FAM193A: variants seen among roughly 807,000 people sequenced by gnomAD.
FAM193A encodes the protein family with sequence similarity 193 member A, also known as protein FAM193A.
Under a neutral mutation model 126.5 loss-of-function variants are expected in FAM193A, and 22 were observed. The observed-to-expected ratio is 0.17, with a 90% CI of 0.12 to 0.25. FAM193A has a LOEUF of 0.25. Ranked by LOEUF, FAM193A falls within the 10% of genes least tolerant of loss-of-function variation. The pLI, the probability that FAM193A is intolerant of heterozygous loss-of-function variation, is 1.00. For missense variants in FAM193A, 1,675 were observed against 1,672.8 expected, an observed-to-expected ratio of 1.00 and a Z score of -0.02; for synonymous variants, 761 against 646.8, an observed-to-expected ratio of 1.18 and a Z score of -2.68.
chr4:2,602,285 C>T (rs541200791), intron 2 of FAM193A, among the ~76,000 whole-genome samples: 20 of 149,906 alleles, frequency 1.3e-4, no homozygotes, highest in South Asian at 4.2e-4. Context: ...CTCTCTTTAT[C>T]CTCTTTGCCT....
chr4:2,658,051 C>T (rs977381140), intron 8 of FAM193A, among the ~76,000 whole-genome samples, 171 bp downstream of exon 8: 1 of 152,192 alleles, frequency 6.6e-6, no homozygotes, highest in Admixed American at 6.5e-5. Flanking sequence ...TCAAGATAAA[C>T]TAATTTTCAC....
At chr4:2,580,848 A>G (rs960886349) in intron 1 of FAM193A, among the ~76,000 whole-genome samples, 3 of 152,204 alleles carry the variant, frequency 2.0e-5, no homozygotes, top group Non-Finnish European at 4.4e-5. Flanking sequence ...TTTAAAACCC[A>G]CTGATTTGGC....
intron 7 of FAM193A, among the ~76,000 whole-genome samples, chr4:2,652,945 C>G (rs1378182204): frequency 6.6e-6 from 1 of 152,214 alleles, no homozygotes. Context: ...CCTGGTGTTA[C>G]CACATCTGCA....
rs556259974 is a variant in FAM193A, at chr4:2,546,453, A to G, written c.255+9283A>G. Among the ~76,000 whole-genome samples, 3 of 152,224 alleles carry G rather than the reference A, an allele frequency of 2.0e-5. No homozygotes were observed. In the South Asian group the frequency reaches 6.2e-4, roughly 32 times the overall value. ...AACTCCTAAAGTCTTGGCAGCCATT[A>G]CTGTGTTGCTTGGTATGATTTTATC... On this transcript the variant is annotated intron_variant, in intron 1 of 20. Transcript: ENST00000637812.
chr4:2,549,979 G>A (rs1737809504), intron 1 of FAM193A, among the ~76,000 whole-genome samples: 1 of 142,892 alleles, frequency 7.0e-6, no homozygotes, highest in African/African-American at 2.6e-5. Flanking sequence ...TGCCCTCCTT[G>A]GCTTCCCAAA....
chr4:2,586,261 A>G (rs1740233782), intron 1 of FAM193A, among the ~76,000 whole-genome samples: 1 of 151,772 alleles, frequency 6.6e-6, no homozygotes, highest in Admixed American at 6.6e-5. Flanking sequence ...AAAAATATAT[A>G]TATATATAGT....
chr4:2,561,498 T>TTC (rs1347195497), intron 1 of FAM193A, among the ~76,000 whole-genome samples: 5 of 63,664 alleles, frequency 7.9e-5, no homozygotes, highest in Non-Finnish European at 7.0e-5. Context: ...TAGAGATTTC[T>TTC]TTTTTTTTTT....
At chr4:2,646,382 T>C (rs113890641) in intron 6 of FAM193A, among the ~76,000 whole-genome samples, 7,699 of 151,798 alleles carry the variant, frequency 0.051, 613 homozygotes, top group African/African-American at 0.16. Flanking sequence ...ATATTGGTCA[T>C]GCTGGTCTCG....
intron 5 of FAM193A, among the ~76,000 whole-genome samples, chr4:2,632,701 A>AG (rs780393280): frequency 1.9e-4 from 24 of 126,382 alleles, no homozygotes; most frequent in Admixed American, 9.0e-4. Flanking sequence ...GGGGTGGGGC[A>AG]GGGGGGCAGT....
chr4:2,640,649 C>T (rs1052582803), intron 6 of FAM193A, among the ~76,000 whole-genome samples: 20 of 152,182 alleles, frequency 1.3e-4, no homozygotes, highest in African/African-American at 4.6e-4. Flanking sequence ...ATCGTGACAG[C>T]AGCCATCTAC....
chr4:2,691,674 G>A (rs1716395391), intron 15 of FAM193A, among the ~76,000 whole-genome samples: 1 of 151,764 alleles, frequency 6.6e-6, no homozygotes, highest in African/African-American at 2.4e-5. Flanking sequence ...TGAGGAGGCT[G>A]AGTGTGGTAG....
rs536678727 is a variant in FAM193A at position 2,548,717 on chromosome 4, A to C, written c.255+11547A>C. Among the ~76,000 whole-genome samples, 80 of 151,852 alleles carry C rather than the reference A, an allele frequency of 5.3e-4. 1 individual carries two copies. Among genetic ancestry groups the C allele is most frequent in the African/African-American group, 1.9e-3 (80 of 41,474 alleles). Reference sequence around the variant, plus strand: ...AGTGATCTACCGGCCTCAGCCTCCCAAAGTGCTGGGATTATAGGTGTGAGC... The same window carrying C: ...AGTGATCTACCGGCCTCAGCCTCCCCAAGTGCTGGGATTATAGGTGTGAGC... On this transcript the variant is annotated intron_variant, in intron 1 of 20. Transcript: ENST00000637812.
chr4:2,587,106 C>T (rs1422403547), intron 1 of FAM193A, among the ~76,000 whole-genome samples: 2 of 152,136 alleles, frequency 1.3e-5, no homozygotes, highest in Non-Finnish European at 2.9e-5. Flanking sequence ...ATACCTGAGG[C>T]TGGATAATTT....
intron 13 of FAM193A, 101 bp from the exon 14 acceptor site, chr4:2,689,405 C>T (rs1236461556): frequency 2.5e-6 from 2 of 813,086 alleles, no homozygotes; most frequent in Non-Finnish European, 3.8e-6. Context: ...GCGAGCACAT[C>T]CCATGAGGCT....
At chr4:2,697,619 C>T (rs1577225906) in intron 18 of FAM193A, among the ~76,000 whole-genome samples, 1 of 152,206 alleles carries the variant, frequency 6.6e-6, no homozygotes, top group African/African-American at 2.4e-5. Context: ...CCACAGTGGA[C>T]CAGAGGGTGG....
intron 1 of FAM193A, among the ~76,000 whole-genome samples, chr4:2,571,747 C>G (rs1739304732): frequency 6.6e-6 from 1 of 151,022 alleles, no homozygotes; most frequent in Non-Finnish European, 1.5e-5. Context: ...GCCATGTTGG[C>G]CAGGCTGGTG....
At chr4:2,550,285 A>C (rs1737831414) in intron 1 of FAM193A, among the ~76,000 whole-genome samples, 1 of 151,942 alleles carries the variant, frequency 6.6e-6, no homozygotes, top group Non-Finnish European at 1.5e-5. Context: ...GCCTCTAGTC[A>C]TCTACCTGCC....
At chr4:2,605,912 A>G (rs1471617798) in intron 2 of FAM193A, among the ~76,000 whole-genome samples, 1 of 120,464 alleles carries the variant, frequency 8.3e-6, no homozygotes, top group Non-Finnish European at 1.6e-5. Flanking sequence ...TGGAGGTTGC[A>G]GTGAGCTGAG....
chr4:2,666,724 G>A lies in FAM193A; in HGVS notation c.2079+3436G>A, dbSNP rs539126121. On this transcript the variant is annotated intron_variant, in intron 12 of 20. Transcript: ENST00000637812. ...CTTTTCAAATTTCCTATTTCTTACTGAGTGAATTTCAATAATTTTTGTCTT... is the reference window on the plus strand; with the variant it reads ...CTTTTCAAATTTCCTATTTCTTACTAAGTGAATTTCAATAATTTTTGTCTT... Among the ~76,000 whole-genome samples the A allele has an allele frequency of 9.2e-5, 14 of 152,242 alleles. No individual in the cohort carries two copies. The South Asian group carries it at 2.9e-3, about 32-fold the overall frequency.
Sources: allele counts gnomAD v4.1 joint callset (sites outside exome capture counted in the v4.1 genomes callset), GRCh38; gene constraint gnomAD v4.1.1; transcripts MANE v1.5; gene names NCBI Gene and HGNC (gene_info 2026-07-23, HGNC 2026-07-21).